Variants in PDE10A observed in about 807,000 individuals in gnomAD.
The protein encoded by PDE10A is cAMP and cAMP-inhibited cGMP 3',5'-cyclic phosphodiesterase 10A.
A neutral mutation model predicts 97.7 loss-of-function variants in PDE10A; 39 were observed. The observed-to-expected ratio is 0.40, with a 90% CI of 0.31 to 0.52. The LOEUF is 0.52. PDE10A is among the 20% of genes least tolerant of loss of function. The probability of loss-of-function intolerance (pLI) is 0.56; values close to 1 mark genes in which losing one functional copy is unlikely to be tolerated. For synonymous variants in PDE10A, 371 were observed against 376.8 expected (o/e 0.98, Z 0.18); for missense variants, 731 against 1,047.8 (o/e 0.70, Z 4.17).
chr6:165,821,067 G>T (rs1456876157), intron 1 of PDE10A, among the ~76,000 whole-genome samples: 2 of 152,176 alleles, frequency 1.3e-5, no homozygotes, highest in South Asian at 4.1e-4. Context: ...TCGGGGACCA[G>T]GGCTGCGGTG....
chr6:165,753,948 C>G (rs1583040281), intron 1 of PDE10A, among the ~76,000 whole-genome samples: 1 of 152,148 alleles, frequency 6.6e-6, no homozygotes, highest in South Asian at 2.1e-4. Flanking sequence ...TTGGCGGTCC[C>G]TTTGCCAAAC....
At chr6:165,550,570 T>C (rs967439828) in intron 1 of PDE10A, among the ~76,000 whole-genome samples, 1 of 152,212 alleles carries the variant, frequency 6.6e-6, no homozygotes, top group Non-Finnish European at 1.5e-5. Flanking sequence ...ATGTTTAGTT[T>C]GAAGAACACA....
At chr6:165,425,833 A>G (rs1789108458) in intron 10 of PDE10A, among the ~76,000 whole-genome samples, 1 of 151,438 alleles carries the variant, frequency 6.6e-6, no homozygotes, top group Admixed American at 6.6e-5. Flanking sequence ...CTAAGAAACT[A>G]TTGGAACTAA....
At chr6:165,647,474 T>C (rs1419873188) in intron 1 of PDE10A, among the ~76,000 whole-genome samples, 1 of 151,924 alleles carries the variant, frequency 6.6e-6, no homozygotes, top group African/African-American at 2.4e-5. Flanking sequence ...GGGACTACAA[T>C]AGCCTTTCAA....
At chr6:165,854,627 G>C (rs138680797) in intron 1 of PDE10A, among the ~76,000 whole-genome samples, 3,386 of 152,290 alleles carry the variant, frequency 0.022, 69 homozygotes, top group South Asian at 0.11. Flanking sequence ...CTGGAGGTGA[G>C]GGGAGCGGGT....
At chr6:165,633,800 T>TC (rs1324158669) in intron 1 of PDE10A, among the ~76,000 whole-genome samples, 2 of 150,736 alleles carry the variant, frequency 1.3e-5, no homozygotes, top group South Asian at 2.1e-4. Flanking sequence ...GCTAATTTTT[T>TC]TTTTTTTCGT....
At chr6:165,547,150 C>T (rs1038607782) in intron 1 of PDE10A, among the ~76,000 whole-genome samples, 1 of 152,076 alleles carries the variant, frequency 6.6e-6, no homozygotes, top group East Asian at 1.9e-4. Context: ...TATATTTGAA[C>T]GAGTATATTT....
At chr6:165,609,771 GAATA>G (rs1259685827) in intron 1 of PDE10A, among the ~76,000 whole-genome samples, 2 of 152,138 alleles carry the variant, frequency 1.3e-5, no homozygotes, top group African/African-American at 4.8e-5. Flanking sequence ...GCTTCAAAGA[GAATA>G]AAATACTTAG....
chr6:165,589,782 T>C (rs796127715), intron 1 of PDE10A, among the ~76,000 whole-genome samples: 5 of 152,304 alleles, frequency 3.3e-5, no homozygotes, highest in African/African-American at 1.2e-4. Flanking sequence ...ATAACTTATC[T>C]GCATATGGTA....
chr6:165,619,234 C>G lies in PDE10A; in HGVS notation c.865+42713G>C, dbSNP rs1244301299. ...GCAGTGTAGACTAGTGTAGTGTAGA[C>G]TAGTGTGGTGTAGTGTAGTCTAGTG... On this transcript the variant is annotated intron_variant, in intron 1 of 21. Coordinates refer to ENST00000539869, the MANE Select transcript of PDE10A (RefSeq NM_001385079.1). Among the ~76,000 whole-genome samples the G allele has an allele frequency of 5.9e-3, 521 of 88,632 alleles. 18 individuals carry two copies. Among genetic ancestry groups the G allele is most frequent in the African/African-American group, 0.028 (482 of 17,072 alleles). The allele number at this position is 88,632 out of a possible 152,430, so 58.1% of individuals were successfully genotyped here.
intron 1 of PDE10A, among the ~76,000 whole-genome samples, chr6:165,863,542 T>C (rs1014286625): frequency 2.0e-5 from 3 of 152,220 alleles, no homozygotes; most frequent in Admixed American, 6.5e-5. Flanking sequence ...TGATACAATA[T>C]AGCACATTCA....
chr6:165,417,986 G>A (rs768577320), intron 11 of PDE10A, among the ~76,000 whole-genome samples: 23 of 152,144 alleles, frequency 1.5e-4, no homozygotes, highest in Non-Finnish European at 2.8e-4. Flanking sequence ...TGTTAAGCTC[G>A]ATTCTTAAAC....
At chr6:165,568,507 A>G (rs1417078389) in intron 1 of PDE10A, among the ~76,000 whole-genome samples, 1 of 152,220 alleles carries the variant, frequency 6.6e-6, no homozygotes, top group Non-Finnish European at 1.5e-5. Context: ...CAACCAGGAC[A>G]TGAATTCTCC....
intron 2 of PDE10A, among the ~76,000 whole-genome samples, chr6:165,527,879 G>A (rs1231813855): frequency 6.6e-6 from 1 of 152,170 alleles, no homozygotes; most frequent in Non-Finnish European, 1.5e-5. Flanking sequence ...AGAAGAGAAG[G>A]CTAGGACCTG....
chr6:165,892,579 C>T (rs1319037741), intron 1 of PDE10A, among the ~76,000 whole-genome samples: 1 of 152,210 alleles, frequency 6.6e-6, no homozygotes, highest in African/African-American at 2.4e-5. Context: ...TCTCCTTGGA[C>T]TTCCGGCTGT....
intron 1 of PDE10A, among the ~76,000 whole-genome samples, chr6:165,794,418 ACACT>A (rs960181166): frequency 2.0e-4 from 31 of 151,586 alleles, no homozygotes; most frequent in Admixed American, 4.6e-4. Context: ...ACACACTCCT[ACACT>A]CACTCACACA....
At chr6:165,367,693 T>C (rs1227117260) in intron 18 of PDE10A, among the ~76,000 whole-genome samples, 1 of 151,490 alleles carries the variant, frequency 6.6e-6, no homozygotes, top group Non-Finnish European at 1.5e-5. Flanking sequence ...AGAAGACCAT[T>C]TACTGACTTT....
At chr6:165,951,751 C>T (rs1265333007) in intron 1 of PDE10A, among the ~76,000 whole-genome samples, 1 of 152,206 alleles carries the variant, frequency 6.6e-6, no homozygotes, top group African/African-American at 2.4e-5. Flanking sequence ...CCACTGCCCT[C>T]AATTCTCCAA....
Position 165,618,729 on chromosome 6 carries a change from T to G in PDE10A, c.865+43218A>C, listed in dbSNP as rs371890050. Among the ~76,000 whole-genome samples the G allele has an allele frequency of 3.7e-4, 57 of 152,194 alleles. 1 individual carries two copies. Among genetic ancestry groups the G allele is most frequent in the African/African-American group, 1.3e-3 (54 of 41,506 alleles). On this transcript the variant is annotated intron_variant, in intron 1 of 21. Coordinates refer to ENST00000539869, the MANE Select transcript of PDE10A (RefSeq NM_001385079.1). ...TCCCCTCCCTGTGTCCAGAAAGGGG[T>G]GATTTGTACAGCTTCCCCTCCTCTT...
Sources: allele counts gnomAD v4.1 joint callset (sites outside exome capture counted in the v4.1 genomes callset), GRCh38; gene constraint gnomAD v4.1.1; transcripts MANE v1.5; gene names NCBI Gene and HGNC (gene_info 2026-07-23, HGNC 2026-07-21).